STRN4: variants seen among roughly 807,000 people sequenced by gnomAD.
STRN4 encodes striatin-4.
STRN4 carries 27 observed loss-of-function variants against 77.9 expected under a neutral mutation model. That is an observed-to-expected ratio of 0.35 (90% CI 0.26 to 0.48). STRN4 has a LOEUF of 0.48. STRN4 is among the 20% of genes least tolerant of loss of function. STRN4 has a pLI of 0.99. For synonymous variants in STRN4, 466 were observed against 443.1 expected (o/e 1.05, Z -0.65); for missense variants, 798 against 1,049.7 (o/e 0.76, Z 3.31).
Position 46,722,954 on chromosome 19 carries a change from A to G in STRN4, c.1766-4T>C, listed in dbSNP as rs766602016. The G allele has an allele frequency of 1.9e-6, 3 of 1,613,704 alleles. No homozygotes were observed. The Admixed American group carries it at 5.0e-5, about 27-fold the overall frequency. Reference sequence around the variant, plus strand: ...ACTGAGGTGGGGACCCCGTGCTCTGAGGGCACAGGGAAGAGAAGGCTGCTG... The same window carrying G: ...ACTGAGGTGGGGACCCCGTGCTCTGGGGGCACAGGGAAGAGAAGGCTGCTG... On this transcript the variant is annotated splice_region_variant and splice_polypyrimidine_tract_variant and intron_variant, in intron 13 of 17. Transcript: ENST00000263280.
In STRN4 at chr19:46,746,178, G is replaced by A. The variant is rs1253420541; in HGVS notation, c.253C>T (p.Arg85Cys). The A allele has an allele frequency of 1.3e-6, 2 of 1,536,872 alleles. No individual in the cohort carries two copies. The highest frequency in any genetic ancestry group is 1.9e-5 in the Admixed American group (1 of 52,914). ...AACTCGGCGCGCTCGGCCTCCCAGC[G>A]GGCTTTCTCGGCTTCGAAGCGCGCC... ...EWARFEAEKARWEAERAELQA... is the reference protein window; with the variant it reads ...EWARFEAEKACWEAERAELQA... The change falls in exon 1 of 18, where the codon CGC becomes TGC. Residue 85 changes from arginine (R) to cysteine (C), a missense_variant. Around this residue, in one of 2 missense-constraint regions of STRN4, gnomAD observed 511 missense variants for 575.9 expected, o/e 0.89. Coordinates refer to ENST00000263280, the MANE Select transcript of STRN4 (RefSeq NM_013403.3).
In STRN4 at chr19:46,738,907, G is replaced by A. The variant is rs746467544; in HGVS notation, c.283-19C>T. 6.2e-7 allele frequency: 1 copy of A among 1,607,388 alleles called. No individual in the cohort carries two copies. Among genetic ancestry groups the A allele is most frequent in the Non-Finnish European group, 8.5e-7 (1 of 1,175,022 alleles). ...CCTGAGCCTGGGAGGGCAGACAGGA[G>A]GCAAAGGGAGATAATGGGGCTCAGG... On this transcript the variant is annotated intron_variant, in intron 1 of 17. Coordinates refer to ENST00000263280, the MANE Select transcript of STRN4 (RefSeq NM_013403.3). This position sits in a 1 kb window ranked among gnomAD's most constrained non-coding sequence, Gnocchi z 4.5.
chr19:46,724,391 C>T (rs1020355459), intron 12 of STRN4, among the ~76,000 whole-genome samples: 4 of 152,106 alleles, frequency 2.6e-5, no homozygotes, highest in African/African-American at 4.8e-5. Flanking sequence ...GCCCAGCTAA[C>T]TCCACCTTCT....
intron 6 of STRN4, 28 bp downstream of exon 6, chr19:46,730,704 C>T: frequency 2.5e-6 from 4 of 1,608,910 alleles, no homozygotes; most frequent in Middle Eastern, 2.1e-4. Flanking sequence ...CCAGGCCAGG[C>T]TGTGCAGGGC....
chr19:46,734,319 G>A (rs1325318709), intron 4 of STRN4, among the ~76,000 whole-genome samples: 1 of 152,200 alleles, frequency 6.6e-6, no homozygotes, highest in Non-Finnish European at 1.5e-5. Context: ...ACAGTGCCAG[G>A]CACGTAATAG....
intron 16 of STRN4, chr19:46,721,117 G>T (rs1010204663): frequency 1.4e-4 from 27 of 198,798 alleles, no homozygotes; most frequent in African/African-American, 6.2e-4. Flanking sequence ...GCCGGTCAGT[G>T]TGAGGACAGA....
chr19:46,729,284 T>C (rs935511050), intron 6 of STRN4, among the ~76,000 whole-genome samples: 10 of 152,156 alleles, frequency 6.6e-5, no homozygotes, highest in African/African-American at 2.4e-4. Context: ...ACAGCTACCG[T>C]GAACACTGTC....
chr19:46,730,588 A>G (rs1046277672), intron 6 of STRN4, 144 bp downstream of exon 6: 19 of 1,291,114 alleles, frequency 1.5e-5, no homozygotes, highest in Middle Eastern at 2.8e-4. Flanking sequence ...GCTGGCCACA[A>G]GCTCCTCCAG....
intron 14 of STRN4, 127 bp downstream of exon 14, chr19:46,722,683 T>G (rs1179253719): frequency 7.1e-7 from 1 of 1,417,038 alleles, no homozygotes; most frequent in African/African-American, 1.4e-5. Context: ...ACTTCCTTCC[T>G]GCTCAGGGCC....
Position 46,725,392 on chromosome 19 carries a change from A to C in STRN4, c.1425-13T>G. On this transcript the variant is annotated splice_polypyrimidine_tract_variant and intron_variant, in intron 10 of 17. Transcript: ENST00000263280. ...TAGCGCCGCATTCCTGTGGGATGAC[A>C]GAGGAGCCTGATGTCACTGAGACCC... 3 of 1,614,110 alleles carry C rather than the reference A, an allele frequency of 1.9e-6. No individual in the cohort carries two copies. The highest frequency in any genetic ancestry group is 2.5e-6 in the Non-Finnish European group (3 of 1,180,036).
chr19:46,722,160 G>A (rs2053993132), intron 15 of STRN4, 82 bp downstream of exon 15: 5 of 1,598,302 alleles, frequency 3.1e-6, no homozygotes, highest in Non-Finnish European at 4.3e-6. Context: ...GACTCCCAGA[G>A]CCTCCCACAG....
Position 46,746,398 on chromosome 19 carries a change from G to GGCGACC in STRN4, c.27_32dup (p.Val10_Ala11dup). 1 of 1,062,182 alleles carries GGCGACC rather than the reference G, an allele frequency of 9.4e-7. No homozygotes were observed. The highest frequency in any genetic ancestry group is 1.1e-6 in the Non-Finnish European group (1 of 882,442). 65.8% of individuals were successfully genotyped at this position (1,062,182 alleles called of 1,614,324 possible). ...GCGGACGGCAGGAGGAGGCGGCGGCGGCGACCGCGGCGGCCGCTCGCTCCT... is the reference window on the plus strand; with the variant it reads ...GCGGACGGCAGGAGGAGGCGGCGGCGGCGACCGCGACCGCGGCGGCCGCTCGCTCCT... On this transcript the variant is annotated inframe_insertion, in exon 1 of 18. Coordinates refer to ENST00000263280, the MANE Select transcript of STRN4 (RefSeq NM_013403.3).
Position 46,746,332 on chromosome 19 carries a change from CG to C in STRN4, c.98del (p.Pro33ArgfsTer31). 2 of 1,287,958 alleles carry C rather than the reference CG, an allele frequency of 1.6e-6. No homozygotes were observed. Among genetic ancestry groups the C allele is most frequent in the Non-Finnish European group, 2.0e-6 (2 of 1,024,272 alleles). 79.8% of individuals were successfully genotyped at this position (1,287,958 alleles called of 1,614,324 possible). ...CCGGCCCGGGGGCAGGGGCGGAGAC[CG>C]GGGCCGCCCCAGTGGGGCCAGGGCC... ...GAGPGPTGAA[P>X]VSAPAPGPGP... On this transcript the variant is annotated frameshift_variant, in exon 1 of 18. Coordinates refer to ENST00000263280, the MANE Select transcript of STRN4 (RefSeq NM_013403.3). LOFTEE classifies it high-confidence loss of function.
At chr19:46,724,767 C>T (rs759235071) in intron 12 of STRN4, 40 bp downstream of exon 12, 2 of 1,613,534 alleles carry the variant, frequency 1.2e-6, no homozygotes, top group South Asian at 2.2e-5. Context: ...CGGCCAGGCC[C>T]CAGTGGATGT....
At position 46,721,953 on chromosome 19, in the gene STRN4, C is replaced by A; in HGVS notation, c.2092+33G>T. 2.5e-6 allele frequency: 4 copies of A among 1,611,750 alleles called. No individual in the cohort carries two copies. The African/African-American group carries it at 4.0e-5, about 16-fold the overall frequency. On this transcript the variant is annotated intron_variant, in intron 16 of 17. Transcript: ENST00000263280. Reference sequence around the variant, plus strand: ...CCCAGGCCTCTTCCTCCCCTTCTCCCCAACCCTGGTGGGACTAGTGTGCTC... The same window carrying A: ...CCCAGGCCTCTTCCTCCCCTTCTCCACAACCCTGGTGGGACTAGTGTGCTC...
At chr19:46,744,648 G>C (rs1299517451) in intron 1 of STRN4, among the ~76,000 whole-genome samples, 1 of 152,064 alleles carries the variant, frequency 6.6e-6, no homozygotes, top group Non-Finnish European at 1.5e-5. Flanking sequence ...ACCTCCCCAA[G>C]TGTTGGGATT....
chr19:46,722,226 A>AG lies in STRN4; in HGVS notation c.2005+15dup. On this transcript the variant is annotated intron_variant, in intron 15 of 17. Transcript: ENST00000263280. ...GCCCTCCCCACCCACTACGAGCACA[A>AG]GGGGCTAGGCCTCACCTGTCCGATT... The AG allele has an allele frequency of 6.2e-7, 1 of 1,613,352 alleles. No individual in the cohort carries two copies. The highest frequency in any genetic ancestry group is 1.7e-4 in the Middle Eastern group (1 of 6,056).
At position 46,724,821 on chromosome 19, in the gene STRN4, G is replaced by T; in HGVS notation, c.1580C>A (p.Pro527His). The T allele has an allele frequency of 6.2e-7, 1 of 1,613,982 alleles. No homozygotes were observed. The highest frequency in any genetic ancestry group is 1.3e-5 in the African/African-American group (1 of 75,056). ...SWKIPDLSMD[P>H]YDGYDPSVLS... Reference sequence around the variant, plus strand: ...GTTGTCCTCACCGTAGCCATCATAGGGATCCATGCTGAGGTCTGGAATCTT... The same window carrying T: ...GTTGTCCTCACCGTAGCCATCATAGTGATCCATGCTGAGGTCTGGAATCTT... The change falls in exon 12 of 18, where the codon CCC becomes CAC. Residue 527 changes from proline (P) to histidine (H), a missense_variant. Physicochemically the swap from Pro to His is moderately conservative, Grantham distance 77 (BLOSUM62 -2). Transcript: ENST00000263280.
chr19:46,743,203 G>C (rs1032644526), intron 1 of STRN4, among the ~76,000 whole-genome samples: 8 of 152,146 alleles, frequency 5.3e-5, no homozygotes, highest in Non-Finnish European at 1.2e-4. Context: ...AAGGGACGAA[G>C]AGAAGGAACT....
Sources: allele counts gnomAD v4.1 joint callset (sites outside exome capture counted in the v4.1 genomes callset), GRCh38; gene constraint gnomAD v4.1.1; regional missense constraint gnomAD v4.1.1; non-coding constraint Gnocchi (gnomAD v3.1); transcripts MANE v1.5; gene names NCBI Gene and HGNC (gene_info 2026-07-23, HGNC 2026-07-21).